Variants in PAX1 observed in about 807,000 individuals in gnomAD.
PAX1 encodes paired box protein Pax-1.
Under a neutral mutation model 35.6 loss-of-function variants are expected in PAX1, and 18 were observed. The ratio of observed to expected loss-of-function variants is 0.50; its 90% CI spans 0.35 to 0.75. The LOEUF is 0.75. Ranked by LOEUF, PAX1 falls within the 30% of genes least tolerant of loss-of-function variation. PAX1 has a pLI of 0.01. For synonymous variants in PAX1, 397 were observed against 305.2 expected, an observed-to-expected ratio of 1.30 and a Z score of -3.14; for missense variants, 760 against 661.5, an observed-to-expected ratio of 1.15 and a Z score of -1.63.
chr20:21,705,863 C>A lies in PAX1; in HGVS notation c.151C>A (p.Arg51=). Residue 51 remains arginine, a synonymous_variant, in exon 1 of 5, where the codon CGG becomes AGG. Coordinates refer to ENST00000613128, the MANE Select transcript of PAX1 (RefSeq NM_001257096.2). ...CCCGCGGCTGGGCCGCCGCGGCTCTCGGCTCTCGGGCGCCCTCCCTCTATG... is the reference window on the plus strand; with the variant it reads ...CCCGCGGCTGGGCCGCCGCGGCTCTAGGCTCTCGGGCGCCCTCCCTCTATG... The part of the protein sequence containing the change: ...SSPRLGRRGS[R]LSGALPLCLS... 7.2e-7 allele frequency: 1 copy of A among 1,385,262 alleles called. No individual in the cohort carries two copies. Among genetic ancestry groups the A allele is most frequent in the Non-Finnish European group, 9.4e-7 (1 of 1,065,764 alleles). 85.8% of individuals were successfully genotyped at this position (1,385,262 alleles called of 1,614,324 possible).
At position 21,709,356 on chromosome 20, in the gene PAX1, T is replaced by C; in HGVS notation, c.1194T>C (p.Gly398=). The C allele has an allele frequency of 6.3e-7, 1 of 1,593,748 alleles. No homozygotes were observed. Residue 398 remains glycine (G), a synonymous_variant, in exon 4 of 5, where the codon GGT becomes GGC. Transcript: ENST00000613128. ...GCCCGCCGTGGCCGCCTGCGCAAGG[T>C]CCTCCTCTGGCGCCCCCCGGGGCCG... ...APGPPWPPAQ[G]PPLAPPGAGV... is the part of the protein sequence containing the mutation.
Position 21,707,026 on chromosome 20 carries a change from T to C in PAX1, c.875T>C (p.Val292Ala), listed in dbSNP as rs1468902969. The stretch of plus-strand genomic sequence containing the variant: ...CGCTCATGGCCCTCGGCACACTCGG[T>C]CAGCAACATCCTGGGCATCCGGACG... Reference protein sequence around the residue: ...IPRSWPSAHSVSNILGIRTFM... With the variant: ...IPRSWPSAHSASNILGIRTFM... The change falls in exon 2 of 5, where the codon GTC becomes GCC. Residue 292 changes from valine (V) to alanine (A), a missense_variant. Around this residue, in one of 3 missense-constraint regions of PAX1, gnomAD observed 490 missense variants for 428.4 expected, o/e 1.14. Coordinates refer to ENST00000613128, the MANE Select transcript of PAX1 (RefSeq NM_001257096.2). The C allele has an allele frequency of 1.9e-6, 3 of 1,613,058 alleles. No individual in the cohort carries two copies. Among genetic ancestry groups the C allele is most frequent in the Non-Finnish European group, 2.5e-6 (3 of 1,180,010 alleles).
At chr20:21,709,124 G>T (rs945772707) in intron 3 of PAX1, 98 bp from the exon 4 acceptor site, 3 of 938,706 alleles carry the variant, frequency 3.2e-6, no homozygotes, top group Admixed American at 3.4e-5. Context: ...CACAGGACGT[G>T]GGGGAGCGAT....
chr20:21,715,506 C>G lies in PAX1; in HGVS notation c.*944C>G, dbSNP rs931794547. Reference sequence around the variant, plus strand: ...CTTCTCTTCCCTTCTGAGATGATGTCACCCCAAAGAAGACTGGGGTAGGAG... The same window carrying G: ...CTTCTCTTCCCTTCTGAGATGATGTGACCCCAAAGAAGACTGGGGTAGGAG... On this transcript the variant is annotated 3_prime_UTR_variant, in exon 5 of 5. Coordinates refer to ENST00000613128, the MANE Select transcript of PAX1 (RefSeq NM_001257096.2). The G allele has an allele frequency of 2.0e-5, 3 of 152,466 alleles. No homozygotes were observed. Among genetic ancestry groups the G allele is most frequent in the Non-Finnish European group, 2.9e-5 (2 of 68,350 alleles). The allele number at this position is 152,466 out of a possible 1,614,324, so 9.4% of individuals were successfully genotyped here.
rs1306939187 is a variant in PAX1 at position 21,716,469 on chromosome 20, TAG to T, written c.*1913_*1914del. 6.6e-6 allele frequency: 1 copy of T among 151,742 alleles called. No homozygotes were observed. Among genetic ancestry groups the T allele is most frequent in the Non-Finnish European group, 1.5e-5 (1 of 67,950 alleles). The allele number at this position is 151,742 out of a possible 1,614,324, so 9.4% of individuals were successfully genotyped here. A position where few individuals can be genotyped will look rare whatever the true frequency, so the allele number is the denominator to read the frequency against. ...TATAAAAAAGTACTTACTTTTTTCC[TAG>T]AGAGACTCTTCTTCTCAGATTCAAA... On this transcript the variant is annotated 3_prime_UTR_variant, in exon 5 of 5. Transcript: ENST00000613128.
At chr20:21,710,562 A>AG (rs1300694198) in intron 4 of PAX1, among the ~76,000 whole-genome samples, 1 of 152,088 alleles carries the variant, frequency 6.6e-6, no homozygotes, top group Admixed American at 6.5e-5. Context: ...GCTGGAAGCG[A>AG]GGTGGATGTA....
rs777692886 is a variant in PAX1, at chr20:21,714,547, G to A, written c.1359G>A (p.Pro453=). Residue 453 remains proline, a synonymous_variant, in exon 5 of 5, where the codon CCG becomes CCA. Transcript: ENST00000613128. The part of the protein sequence containing the change: ...ALSSLHGLPI[P]ASTS ...GTAGCTTACACGGACTGCCCATCCC[G>A]GCCTCGACCTCCTAGGGGCAGCTCT... The A allele has an allele frequency of 2.4e-5, 38 of 1,592,854 alleles. No individual in the cohort carries two copies. Among genetic ancestry groups the A allele is most frequent in the Non-Finnish European group, 3.1e-5 (36 of 1,171,108 alleles).
intron 2 of PAX1, chr20:21,708,283 G>T: frequency 1.7e-6 from 1 of 571,632 alleles, no homozygotes. Flanking sequence ...CGCTTTGGCC[G>T]AGTCTGCCCA....
chr20:21,712,646 G>A (rs1019548333), intron 4 of PAX1, among the ~76,000 whole-genome samples: 1 of 152,196 alleles, frequency 6.6e-6, no homozygotes, highest in Non-Finnish European at 1.5e-5. Context: ...TACTGCATAC[G>A]CACAAAGAAA....
rs538088020 is a variant in PAX1, at chr20:21,707,182, A to T, written c.916+115A>T. The stretch of plus-strand genomic sequence containing the variant: ...CCCGGGACCGGTTCTGGCTCAGGGG[A>T]GGGCTCCACACTGGCCAGGGAGGCT... On this transcript the variant is annotated intron_variant, in intron 2 of 4. Transcript: ENST00000613128. The T allele has an allele frequency of 2.6e-4, 343 of 1,318,950 alleles. 4 individuals are homozygous for T. In the South Asian group the frequency reaches 4.0e-3, roughly 15 times the overall value. 81.7% of individuals were successfully genotyped at this position (1,318,950 alleles called of 1,614,324 possible). A position where few individuals can be genotyped will look rare whatever the true frequency, so the allele number is the denominator to read the frequency against.
In PAX1 at chr20:21,709,397, G is replaced by C. The variant is rs760318265; in HGVS notation, c.1235G>C (p.Gly412Ala). Residue 412 changes from glycine to alanine, a missense_variant, in exon 4 of 5, where the codon GGC becomes GCC. Transcript: ENST00000613128. ...CCCGGGGCCGGCGTAGCTGTGCATG[G>C]CGGGGAACTCGCGGCAGCAATGACC... ...APPGAGVAVHGGELAAAMTFK... is the reference protein window; with the variant it reads ...APPGAGVAVHAGELAAAMTFK... 1.7e-5 allele frequency: 27 copies of C among 1,551,926 alleles called. No individual in the cohort carries two copies. The highest frequency in any genetic ancestry group is 2.2e-5 in the Non-Finnish European group (25 of 1,153,144).
Position 21,715,154 on chromosome 20 carries a change from T to C in PAX1, c.*592T>C. ...CCCTGTCGTTCCTTCTCTCTCTGTCTCTGGTTCTACTGTCAAGGGCCCTAG... is the reference window on the plus strand; with the variant it reads ...CCCTGTCGTTCCTTCTCTCTCTGTCCCTGGTTCTACTGTCAAGGGCCCTAG... On this transcript the variant is annotated 3_prime_UTR_variant, in exon 5 of 5. Coordinates refer to ENST00000613128, the MANE Select transcript of PAX1 (RefSeq NM_001257096.2). 1 of 375,792 alleles carries C rather than the reference T, an allele frequency of 2.7e-6. No individual in the cohort carries two copies. The highest frequency in any genetic ancestry group is 2.4e-5 in the South Asian group (1 of 40,880). The allele number at this position is 375,792 out of a possible 1,614,324, so 23.3% of individuals were successfully genotyped here.
intron 2 of PAX1, 167 bp from the exon 3 acceptor site, chr20:21,708,391 G>A: frequency 3.7e-6 from 3 of 818,958 alleles, no homozygotes; most frequent in Non-Finnish European, 6.5e-6. Flanking sequence ...GCCCCACCCG[G>A]AGTGGTGAAC....
In PAX1 at chr20:21,706,982, G is replaced by T; in HGVS notation, c.831G>T (p.Ala277=). 6.2e-7 allele frequency: 1 copy of T among 1,612,804 alleles called. No individual in the cohort carries two copies. Among genetic ancestry groups the T allele is most frequent in the Admixed American group, 1.7e-5 (1 of 60,014 alleles). The change falls in exon 2 of 5, where the codon GCG becomes GCT. Residue 277 remains alanine (A), a synonymous_variant. Transcript: ENST00000613128. The surrounding 1 kb of genome is among the most constrained non-coding windows in gnomAD (Gnocchi z 5.3). ...GCCACCCCGGGGTCCCGGGCACGGC[G>T]GGCCACGTCAGCATCCCGCGCTCAT... ...MGSHPGVPGT[A]GHVSIPRSWP... is the part of the protein sequence containing the mutation.
Position 21,715,024 on chromosome 20 carries a change from C to G in PAX1, c.*462C>G, listed in dbSNP as rs1985324078. Reference sequence around the variant, plus strand: ...CCGACCTTCCAGGGCTCCCTCTGCCCTTCCACTCTCTTTTCCTTGCTCCGA... The same window carrying G: ...CCGACCTTCCAGGGCTCCCTCTGCCGTTCCACTCTCTTTTCCTTGCTCCGA... On this transcript the variant is annotated 3_prime_UTR_variant, in exon 5 of 5. Coordinates refer to ENST00000613128, the MANE Select transcript of PAX1 (RefSeq NM_001257096.2). 4 of 622,186 alleles carry G rather than the reference C, an allele frequency of 6.4e-6. No homozygotes were observed. The highest frequency in any genetic ancestry group is 1.1e-5 in the Non-Finnish European group (4 of 349,990). 38.5% of individuals were successfully genotyped at this position (622,186 alleles called of 1,614,324 possible). A position where few individuals can be genotyped will look rare whatever the true frequency, so the allele number is the denominator to read the frequency against.
At position 21,714,588 on chromosome 20, in the gene PAX1, C is replaced by T. The variant is rs1010944658; in HGVS notation, c.*26C>T. On this transcript the variant is annotated 3_prime_UTR_variant, in exon 5 of 5. Transcript: ENST00000613128. The stretch of plus-strand genomic sequence containing the variant: ...GGGCAGCTCTCCCCGGACCCGAGCC[C>T]GGAGGGAACGGCAGGCGGACCCGGG... The T allele has an allele frequency of 1.3e-6, 2 of 1,575,770 alleles. No individual in the cohort carries two copies. The highest frequency in any genetic ancestry group is 2.3e-5 in the South Asian group (2 of 87,142).
At position 21,706,832 on chromosome 20, in the gene PAX1, C is replaced by T. The variant is rs576268387; in HGVS notation, c.681C>T (p.Ser227=). The T allele has an allele frequency of 1.9e-6, 3 of 1,613,302 alleles. No homozygotes were observed. The highest frequency in any genetic ancestry group is 2.5e-6 in the Non-Finnish European group (3 of 1,180,030). ...ISRILRNKIG[S]LAQPGPYEAS... Reference sequence around the variant, plus strand: ...GCATCCTGCGCAACAAGATCGGCAGCCTGGCGCAGCCCGGACCGTACGAGG... The same window carrying T: ...GCATCCTGCGCAACAAGATCGGCAGTCTGGCGCAGCCCGGACCGTACGAGG... The change falls in exon 2 of 5, where the codon AGC becomes AGT. Residue 227 remains serine (S), a synonymous_variant. Transcript: ENST00000613128. The surrounding 1 kb of genome is among the most constrained non-coding windows in gnomAD (Gnocchi z 5.3).
At position 21,705,772 on chromosome 20, in the gene PAX1, A is replaced by C. The variant is rs1460992535; in HGVS notation, c.60A>C (p.Ala20=). The part of the protein sequence containing the change: ...RAWRVSWEGA[A]AAAAGPGAGG... The stretch of plus-strand genomic sequence containing the variant: ...GGAGAGTGTCCTGGGAGGGGGCAGC[A>C]GCGGCGGCGGCAGGCCCTGGAGCGG... The change falls in exon 1 of 5, where the codon GCA becomes GCC. Residue 20 remains alanine (A), a synonymous_variant. Coordinates refer to ENST00000613128, the MANE Select transcript of PAX1 (RefSeq NM_001257096.2). 7.9e-7 allele frequency: 1 copy of C among 1,262,378 alleles called. No homozygotes were observed. The highest frequency in any genetic ancestry group is 1.0e-6 in the Non-Finnish European group (1 of 1,003,246). The allele number at this position is 1,262,378 out of a possible 1,614,324, so 78.2% of individuals were successfully genotyped here. A position where few individuals can be genotyped will look rare whatever the true frequency, so the allele number is the denominator to read the frequency against.
Position 21,705,907 on chromosome 20 carries a change from C to T in PAX1, c.195C>T (p.Gly65=). 4.3e-6 allele frequency: 6 copies of T among 1,400,094 alleles called. No individual in the cohort carries two copies. Among genetic ancestry groups the T allele is most frequent in the South Asian group, 1.5e-5 (1 of 64,746 alleles). 86.7% of individuals were successfully genotyped at this position (1,400,094 alleles called of 1,614,324 possible). A position where few individuals can be genotyped will look rare whatever the true frequency, so the allele number is the denominator to read the frequency against. ...ALPLCLSRGG[G]GAQALPDCAG... is the part of the protein sequence containing the mutation. ...CTCTATGCCTCTCACGCGGCGGCGG[C>T]GGCGCCCAAGCTCTCCCGGACTGCG... is the stretch of plus-strand genomic sequence containing the variant. The change falls in exon 1 of 5, where the codon GGC becomes GGT. Residue 65 remains glycine, a synonymous_variant. Coordinates refer to ENST00000613128, the MANE Select transcript of PAX1 (RefSeq NM_001257096.2).
Sources: allele counts gnomAD v4.1 joint callset (sites outside exome capture counted in the v4.1 genomes callset), GRCh38; gene constraint gnomAD v4.1.1; regional missense constraint gnomAD v4.1.1; non-coding constraint Gnocchi (gnomAD v3.1); transcripts MANE v1.5; gene names NCBI Gene and HGNC (gene_info 2026-07-23, HGNC 2026-07-21).